Variants in ADGRV1 observed in about 807,000 individuals in gnomAD.
ADGRV1 encodes the protein G-protein coupled receptor 98.
In ADGRV1, 359 loss-of-function variants were observed where a neutral mutation model predicts 596.2. The ratio of observed to expected loss-of-function variants is 0.60; its 90% CI spans 0.55 to 0.66. The LOEUF (loss-of-function observed/expected upper bound fraction) is 0.66, where lower values mean the gene tolerates loss of function less well. ADGRV1 is among the 30% of genes least tolerant of loss of function. ADGRV1 has a pLI of 0.00. For synonymous variants in ADGRV1, 2,681 were observed against 2,679.2 expected, an observed-to-expected ratio of 1.00 and a Z score of -0.02; for missense variants, 7,274 against 7,575.6, an observed-to-expected ratio of 0.96 and a Z score of 1.48.
chr5:90,570,274 T>TGTAGAAGAAG (rs1561304949), intron 1 of ADGRV1, among the ~76,000 whole-genome samples: 1 of 152,178 alleles, frequency 6.6e-6, no homozygotes, highest in East Asian at 1.9e-4. Context: ...TCTAGCCTCC[T>TGTAGAAGAAG]AGGCTAGAGG....
At chr5:90,666,980 G>A (rs577003538) in intron 21 of ADGRV1, among the ~76,000 whole-genome samples, 67 of 152,196 alleles carry the variant, frequency 4.4e-4, no homozygotes, top group South Asian at 2.9e-3. Flanking sequence ...CAAGAGATCC[G>A]TTGTTAGTCT....
intron 76 of ADGRV1, 147 bp from the exon 77 acceptor site, chr5:90,828,796 TC>T (rs1466773081): frequency 2.3e-6 from 1 of 435,908 alleles, no homozygotes; most frequent in Non-Finnish European, 3.6e-6. Context: ...AGAATTTAAT[TC>T]CGTAATTATA....
chr5:90,580,458 A>G (rs554907807), intron 1 of ADGRV1, among the ~76,000 whole-genome samples: 1 of 151,798 alleles, frequency 6.6e-6, no homozygotes, highest in Non-Finnish European at 1.5e-5. Flanking sequence ...TGGTCTTTTC[A>G]CATAGTCCCA....
chr5:90,612,218 G>A (rs1320776113), intron 1 of ADGRV1, among the ~76,000 whole-genome samples: 1 of 152,044 alleles, frequency 6.6e-6, no homozygotes, highest in Admixed American at 6.6e-5. Context: ...AAAAGATGCT[G>A]TTAAATATTT....
Position 90,587,807 on chromosome 5 carries a change from G to A in ADGRV1, c.23-27028G>A, listed in dbSNP as rs540029820. Among the ~76,000 whole-genome samples the A allele has an allele frequency of 3.3e-5, 5 of 152,032 alleles. No homozygotes were observed. The South Asian group carries it at 8.3e-4, about 25-fold the overall frequency. ...ACTCCTGACCTCAAGTGATCCTCCC[G>A]CCTCAGCCTTCCAAAGTGCTGGGAT... On this transcript the variant is annotated intron_variant, in intron 1 of 89. Coordinates refer to ENST00000405460, the MANE Select transcript of ADGRV1 (RefSeq NM_032119.4).
rs200158333 is a variant in ADGRV1, at chr5:90,916,812, T to TA, written c.17857-48603_17857-48602insA. 2.0e-5 allele frequency among the ~76,000 whole-genome samples: 3 copies of TA among 150,330 alleles called. No individual in the cohort carries two copies. The South Asian group carries it at 6.4e-4, about 32-fold the overall frequency. ...TACGCCCGGCTAATTTTTTGTATTT[T>TA]TAGTAGAGACGGGGTTTCACCGTTT... is the stretch of plus-strand genomic sequence containing the variant. On this transcript the variant is annotated intron_variant, in intron 83 of 89. Coordinates refer to ENST00000405460, the MANE Select transcript of ADGRV1 (RefSeq NM_032119.4).
Position 90,656,316 on chromosome 5 carries a change from T to C in ADGRV1, c.4379-1589T>C, listed in dbSNP as rs186130881. 3.9e-4 allele frequency among the ~76,000 whole-genome samples: 59 copies of C among 152,306 alleles called. No individual in the cohort carries two copies. In the East Asian group the frequency reaches 0.011, roughly 28 times the overall value. Reference sequence around the variant, plus strand: ...GGTCAGAGTCAGTAAATAAATTCGCTAGCATCACACAGGCAAGTAACAGAG... The same window carrying C: ...GGTCAGAGTCAGTAAATAAATTCGCCAGCATCACACAGGCAAGTAACAGAG... On this transcript the variant is annotated intron_variant, in intron 20 of 89. Transcript: ENST00000405460.
intron 32 of ADGRV1, among the ~76,000 whole-genome samples, chr5:90,693,137 G>GTTTTTTTTTTTTTTTTTTTTTTT (rs138813234): frequency 1.5e-5 from 2 of 131,754 alleles, no homozygotes; most frequent in Non-Finnish European, 3.2e-5. Context: ...TTCCAGGTCT[G>GTTTTTTTTTTTTTTTTTTTTTTT]TTTTTTTTTT....
At chr5:90,752,139 T>C (rs1317973896) in intron 53 of ADGRV1, among the ~76,000 whole-genome samples, 1 of 152,182 alleles carries the variant, frequency 6.6e-6, no homozygotes, top group Non-Finnish European at 1.5e-5. Flanking sequence ...TGCTAGGCAA[T>C]ATAAGCAATA....
intron 80 of ADGRV1, 62 bp downstream of exon 80, chr5:90,853,595 CT>C (rs1005558274): frequency 2.0e-6 from 3 of 1,482,068 alleles, no homozygotes; most frequent in Non-Finnish European, 2.8e-6. Context: ...AGCAGGCACA[CT>C]TGGAATGCAT....
intron 85 of ADGRV1, among the ~76,000 whole-genome samples, chr5:91,047,670 A>G (rs1785951071): frequency 1.3e-5 from 2 of 152,178 alleles, no homozygotes; most frequent in Admixed American, 1.3e-4. Flanking sequence ...GACACACCCA[A>G]TAACAATACT....
chr5:90,929,862 C>T (rs980195048), intron 83 of ADGRV1, among the ~76,000 whole-genome samples: 4 of 151,978 alleles, frequency 2.6e-5, no homozygotes, highest in African/African-American at 4.8e-5. Context: ...TTCTGTACAA[C>T]GTTAAGGAAA....
chr5:90,801,891 G>T (rs1231748891), intron 70 of ADGRV1, among the ~76,000 whole-genome samples: 1 of 151,980 alleles, frequency 6.6e-6, no homozygotes, highest in African/African-American at 2.4e-5. Flanking sequence ...TATTTTGTTG[G>T]ATTCTAAAAT....
chr5:91,116,561 C>G (rs1265629565), intron 87 of ADGRV1, among the ~76,000 whole-genome samples: 1 of 152,036 alleles, frequency 6.6e-6, no homozygotes, highest in Non-Finnish European at 1.5e-5. Context: ...TCTCTAATTC[C>G]CTTCAGTTAG....
At chr5:90,951,797 T>G (rs1777081156) in intron 83 of ADGRV1, among the ~76,000 whole-genome samples, 1 of 152,160 alleles carries the variant, frequency 6.6e-6, no homozygotes, top group Admixed American at 6.5e-5. Context: ...GATATGTCAA[T>G]AAATAAGATC....
At chr5:90,829,301 C>A in intron 77 of ADGRV1, 115 bp downstream of exon 77, 1 of 927,396 alleles carries the variant, frequency 1.1e-6, no homozygotes, top group Non-Finnish European at 1.5e-6. Context: ...CATCGTAATT[C>A]ACTTTTTATT....
intron 84 of ADGRV1, among the ~76,000 whole-genome samples, chr5:90,977,382 G>A (rs146660349): frequency 1.3e-5 from 2 of 152,292 alleles, no homozygotes; most frequent in African/African-American, 4.8e-5. Context: ...TAAACTTGTT[G>A]CTATAGTCAG....
chr5:91,142,188 G>T (rs1795153401), intron 87 of ADGRV1, among the ~76,000 whole-genome samples: 1 of 152,066 alleles, frequency 6.6e-6, no homozygotes, highest in South Asian at 2.1e-4. Context: ...TTCCTACTCT[G>T]TCCCTCTGAT....
At chr5:90,954,380 A>G (rs566402184) in intron 83 of ADGRV1, among the ~76,000 whole-genome samples, 2 of 152,278 alleles carry the variant, frequency 1.3e-5, no homozygotes, top group Non-Finnish European at 2.9e-5. Context: ...TGAATGAGAT[A>G]TGAAAAGACA....
Sources: allele counts gnomAD v4.1 joint callset (sites outside exome capture counted in the v4.1 genomes callset), GRCh38; gene constraint gnomAD v4.1.1; transcripts MANE v1.5; gene names NCBI Gene and HGNC (gene_info 2026-07-23, HGNC 2026-07-21).